The following ITGAV variants were observed in gnomAD, a reference collection of about 807,000 sequenced individuals.
ITGAV encodes integrin subunit alpha V.
ITGAV carries 76 observed loss-of-function variants against 143.8 expected under a neutral mutation model. The observed-to-expected ratio is 0.53, with a 90% confidence interval of 0.44 to 0.64. ITGAV has a LOEUF of 0.64. Among genes scored for constraint, ITGAV ranks in the 30% least tolerant of loss-of-function variants. ITGAV has a pLI of 0.00. For missense variants in ITGAV, 1,193 were observed against 1,274.7 expected, an observed-to-expected ratio of 0.94 and a Z score of 0.98; for synonymous variants, 453 against 446.7, an observed-to-expected ratio of 1.01 and a Z score of -0.18.
In ITGAV at chr2:186,670,260, C is replaced by T. The variant is rs554728618; in HGVS notation, c.2706+446C>T. 5.3e-5 allele frequency among the ~76,000 whole-genome samples: 8 copies of T among 152,162 alleles called. No homozygotes were observed. The East Asian group carries it at 1.2e-3, about 22-fold the overall frequency. On this transcript the variant is annotated intron_variant, in intron 26 of 29. Coordinates refer to ENST00000261023, the MANE Select transcript of ITGAV (RefSeq NM_002210.5). ...TTTTTTCTTTTAATTAACAAATCTC[C>T]AGATCTCTAGTAGAGAACCTGGTAT...
chr2:186,650,977 C>G (rs1475444457), intron 14 of ITGAV, among the ~76,000 whole-genome samples: 2 of 152,210 alleles, frequency 1.3e-5, no homozygotes. Flanking sequence ...TTGGTATTCT[C>G]TGACCACAAG....
intron 3 of ITGAV, among the ~76,000 whole-genome samples, chr2:186,624,367 G>A (rs1164668027): frequency 3.9e-5 from 6 of 152,218 alleles, no homozygotes; most frequent in Middle Eastern, 6.8e-3. Context: ...AGTTTTAGCA[G>A]ACTTTAAAGG....
At chr2:186,663,537 T>C (rs978599072) in intron 18 of ITGAV, among the ~76,000 whole-genome samples, 1 of 152,218 alleles carries the variant, frequency 6.6e-6, no homozygotes, top group African/African-American at 2.4e-5. Context: ...AACTGTATCA[T>C]ATCCTATGAA....
chr2:186,598,980 C>G (rs1206564198), intron 1 of ITGAV, among the ~76,000 whole-genome samples: 1 of 152,086 alleles, frequency 6.6e-6, no homozygotes, highest in Non-Finnish European at 1.5e-5. Context: ...CAGCTTTTGT[C>G]TACTGTAGAT....
At chr2:186,595,751 A>G (rs566573423) in intron 1 of ITGAV, among the ~76,000 whole-genome samples, 1 of 152,258 alleles carries the variant, frequency 6.6e-6, no homozygotes, top group African/African-American at 2.4e-5. Context: ...TTTGGAGGGA[A>G]ATGGAGTCTA....
chr2:186,622,044 A>G (rs1687540772), intron 2 of ITGAV, among the ~76,000 whole-genome samples: 1 of 152,186 alleles, frequency 6.6e-6, no homozygotes, highest in African/African-American at 2.4e-5. Flanking sequence ...TTAATAGTTA[A>G]TTATCTAACA....
At position 186,675,691 on chromosome 2, in the gene ITGAV, T is replaced by A. The variant is rs1261785081; in HGVS notation, c.2794T>A (p.Leu932Ile). Residue 932 changes from leucine to isoleucine, a missense_variant, in exon 27 of 30, where the codon TTA (leucine) becomes ATA (isoleucine). By Grantham distance (5) the Leu-to-Ile change is conservative. Coordinates refer to ENST00000261023, the MANE Select transcript of ITGAV (RefSeq NM_002210.5). ...GKSAILYVKS[L>I]LWTETFMNKE... ...GAGTGCAATCTTGTACGTAAAGTCA[T>A]TACTGTGGACTGAGACTTTTATGAA... The A allele has an allele frequency of 6.2e-7, 1 of 1,613,216 alleles. No individual in the cohort carries two copies. Among genetic ancestry groups the A allele is most frequent in the Non-Finnish European group, 8.5e-7 (1 of 1,179,340 alleles).
chr2:186,646,563 A>T, intron 12 of ITGAV, 123 bp from the exon 13 acceptor site: 1 of 613,746 alleles, frequency 1.6e-6, no homozygotes, highest in South Asian at 2.5e-5. Context: ...CAAGTACTGA[A>T]ACTTTCTTCT....
intron 2 of ITGAV, among the ~76,000 whole-genome samples, chr2:186,618,965 G>T (rs922724315): frequency 6.6e-6 from 1 of 151,996 alleles, no homozygotes; most frequent in African/African-American, 2.4e-5. Context: ...ATATTTATTG[G>T]AACACTATTC....
At chr2:186,643,807 A>G (rs1305685731) in intron 12 of ITGAV, among the ~76,000 whole-genome samples, 2 of 152,256 alleles carry the variant, frequency 1.3e-5, no homozygotes, top group African/African-American at 4.8e-5. Context: ...TCCAGACTCG[A>G]CAGATGATAG....
intron 2 of ITGAV, among the ~76,000 whole-genome samples, chr2:186,608,934 A>G (rs1687140792): frequency 6.6e-6 from 1 of 152,216 alleles, no homozygotes; most frequent in Admixed American, 6.5e-5. Flanking sequence ...TGGTACTGCT[A>G]TTGCTGAATG....
chr2:186,653,908 C>G (rs1688511594), intron 15 of ITGAV, among the ~76,000 whole-genome samples: 1 of 152,106 alleles, frequency 6.6e-6, no homozygotes, highest in African/African-American at 2.4e-5. Flanking sequence ...AAAAATTTTT[C>G]TTAAGATGCT....
At chr2:186,619,142 A>G (rs1687451924) in intron 2 of ITGAV, among the ~76,000 whole-genome samples, 1 of 150,172 alleles carries the variant, frequency 6.7e-6, no homozygotes, top group African/African-American at 2.4e-5. Flanking sequence ...GTGTGTACAT[A>G]TATTCCTGTC....
chr2:186,631,332 A>T (rs571173763), intron 5 of ITGAV, among the ~76,000 whole-genome samples: 2 of 152,186 alleles, frequency 1.3e-5, no homozygotes, highest in Non-Finnish European at 2.9e-5. Context: ...CACTTATGTA[A>T]TGTGTAATAA....
intron 7 of ITGAV, 132 bp downstream of exon 7, chr2:186,636,339 ATT>A (rs1486103443): frequency 2.9e-6 from 2 of 695,726 alleles, no homozygotes; most frequent in African/African-American, 3.7e-5. Context: ...AGAATATACA[ATT>A]TCAAATTGTT....
In ITGAV at chr2:186,620,061, T is replaced by C. The variant is rs539156385; in HGVS notation, c.317-2278T>C. ...CCTTCCTGACCATTCTCTCTAGTTA[T>C]AGTGAACAACTCACAATTCTCTTAA... On this transcript the variant is annotated intron_variant, in intron 2 of 29. Transcript: ENST00000261023. 9.2e-5 allele frequency among the ~76,000 whole-genome samples: 14 copies of C among 152,294 alleles called. No homozygotes were observed. In the East Asian group the frequency reaches 1.2e-3, roughly 13 times the overall value.
At chr2:186,642,017 C>T (rs1391285896) in intron 12 of ITGAV, among the ~76,000 whole-genome samples, 1 of 152,228 alleles carries the variant, frequency 6.6e-6, no homozygotes, top group Middle Eastern at 3.4e-3. Context: ...GTATGATTTG[C>T]CATTAATATT....
chr2:186,675,603 G>A lies in ITGAV; in HGVS notation c.2707-1G>A. ...TATAAGTAAAGGATTTGTTTTGGCAGGGTTGTGGAGTTGCTCAGTGCTTGA... is the reference window on the plus strand; with the variant it reads ...TATAAGTAAAGGATTTGTTTTGGCAAGGTTGTGGAGTTGCTCAGTGCTTGA... On this transcript the variant is annotated splice_acceptor_variant, in intron 26 of 29. Coordinates refer to ENST00000261023, the MANE Select transcript of ITGAV (RefSeq NM_002210.5). LOFTEE classifies it high-confidence loss of function. 2 of 1,609,710 alleles carry A rather than the reference G, an allele frequency of 1.2e-6. No homozygotes were observed. Among genetic ancestry groups the A allele is most frequent in the South Asian group, 1.1e-5 (1 of 90,972 alleles).
At chr2:186,624,663 A>G (rs906587517) in intron 3 of ITGAV, among the ~76,000 whole-genome samples, 2 of 152,228 alleles carry the variant, frequency 1.3e-5, no homozygotes, top group Non-Finnish European at 2.9e-5. Flanking sequence ...ATTGTTACAC[A>G]TTTGGTAGAT....
Sources: allele counts gnomAD v4.1 joint callset (sites outside exome capture counted in the v4.1 genomes callset), GRCh38; gene constraint gnomAD v4.1.1; transcripts MANE v1.5; gene names NCBI Gene and HGNC (gene_info 2026-07-23, HGNC 2026-07-21).